Variants in ANKRD44 observed in about 807,000 individuals in gnomAD.
ANKRD44 encodes serine/threonine-protein phosphatase 6 regulatory ankyrin repeat subunit B.
In ANKRD44, 35 loss-of-function variants were observed where a neutral mutation model predicts 116.0. That is an observed-to-expected ratio of 0.30 (90% CI 0.23 to 0.40). ANKRD44 has a LOEUF of 0.40. Among genes scored for constraint, ANKRD44 ranks in the 10% least tolerant of loss-of-function variants. The probability of loss-of-function intolerance (pLI) is 1.00; values close to 1 mark genes in which losing one functional copy is unlikely to be tolerated. For synonymous variants in ANKRD44, 435 were observed against 461.8 expected, an observed-to-expected ratio of 0.94 and a Z score of 0.74; for missense variants, 1,014 against 1,242.6, an observed-to-expected ratio of 0.82 and a Z score of 2.77.
intron 16 of ANKRD44, among the ~76,000 whole-genome samples, chr2:197,052,725 T>C (rs953315423): frequency 1.3e-5 from 2 of 152,210 alleles, no homozygotes; most frequent in Admixed American, 6.5e-5. Flanking sequence ...TAAAACCAGA[T>C]GGCCTCAATT....
intron 16 of ANKRD44, among the ~76,000 whole-genome samples, chr2:197,052,799 C>T (rs79997846): frequency 0.04 from 6,120 of 152,226 alleles, 159 homozygotes; most frequent in Middle Eastern, 0.082. Flanking sequence ...TAAATTGATG[C>T]CTGACTGCCC....
At chr2:197,222,057 G>A (rs1574304360) in intron 1 of ANKRD44, among the ~76,000 whole-genome samples, 2 of 152,320 alleles carry the variant, frequency 1.3e-5, no homozygotes, top group East Asian at 3.9e-4. Context: ...ACTCTCTTCT[G>A]TGATTCTGCT....
chr2:197,183,862 C>T lies in ANKRD44; in HGVS notation c.111+3161G>A, dbSNP rs145814780. On this transcript the variant is annotated intron_variant, in intron 2 of 27. Coordinates refer to ENST00000282272, the MANE Select transcript of ANKRD44 (RefSeq NM_001195144.2). ...TGCTTATCTGTTGCCACACACCCAA[C>T]AGCCCACAAAGGCAAAGCAAATTCC... Among the ~76,000 whole-genome samples the T allele has an allele frequency of 3.4e-4, 52 of 152,314 alleles. 1 individual carries two copies. The highest frequency in any genetic ancestry group is 1.1e-3 in the African/African-American group (47 of 41,574).
chr2:197,081,373 G>C (rs1488735644), intron 15 of ANKRD44, among the ~76,000 whole-genome samples: 1 of 152,214 alleles, frequency 6.6e-6, no homozygotes, highest in Non-Finnish European at 1.5e-5. Flanking sequence ...CAGTTAGAAT[G>C]ATATTTAGGA....
chr2:197,153,915 A>G (rs1559108557), intron 2 of ANKRD44, among the ~76,000 whole-genome samples: 2 of 152,118 alleles, frequency 1.3e-5, no homozygotes, highest in Non-Finnish European at 2.9e-5. Context: ...GTTGTTTTTA[A>G]TTCTTCAAAC....
chr2:197,122,813 A>T, intron 6 of ANKRD44, 21 bp from the exon 7 acceptor site: 1 of 1,611,056 alleles, frequency 6.2e-7, no homozygotes, highest in South Asian at 1.1e-5. Flanking sequence ...AAAGCAGCAG[A>T]AAACATCGTT....
chr2:197,220,432 C>T (rs2081557031), intron 1 of ANKRD44, among the ~76,000 whole-genome samples: 1 of 152,058 alleles, frequency 6.6e-6, no homozygotes, highest in African/African-American at 2.4e-5. Flanking sequence ...CTTTTTTCTC[C>T]ACTTATCAAA....
chr2:197,286,374 T>C (rs955160363), intron 1 of ANKRD44, among the ~76,000 whole-genome samples: 8 of 88,900 alleles, frequency 9.0e-5, no homozygotes, highest in African/African-American at 3.5e-4. Context: ...TTCTACTTTT[T>C]TTTTTCTTTT....
At chr2:196,971,134 C>G (rs1189621018) in intron 21 of ANKRD44, among the ~76,000 whole-genome samples, 2 of 152,162 alleles carry the variant, frequency 1.3e-5, no homozygotes, top group Non-Finnish European at 2.9e-5. Flanking sequence ...ATGTCATGCA[C>G]ATCTTCCCTT....
At chr2:197,005,648 T>C in intron 21 of ANKRD44, 46 bp downstream of exon 21, 2 of 1,583,056 alleles carry the variant, frequency 1.3e-6, no homozygotes, top group Non-Finnish European at 1.7e-6. Context: ...ACAGTGGTCC[T>C]GGGGTAGGAA....
chr2:197,133,093 G>T (rs924661327), intron 4 of ANKRD44, among the ~76,000 whole-genome samples: 3 of 152,210 alleles, frequency 2.0e-5, no homozygotes, highest in African/African-American at 7.2e-5. Context: ...ACCAGGTAGT[G>T]TTGCAGCTTC....
Position 197,078,692 on chromosome 2 carries a change from AAAC to A in ANKRD44, c.1650+8_1650+10del, listed in dbSNP as rs760453925. On this transcript the variant is annotated splice_region_variant and intron_variant, in intron 16 of 27. Coordinates refer to ENST00000282272, the MANE Select transcript of ANKRD44 (RefSeq NM_001195144.2). ...TGTGTGTGTTAGAGAAAACAAAACA[AAAC>A]AACTCACCAATTCCAGACACTGCCT... is the stretch of plus-strand genomic sequence containing the variant. 2 of 1,605,906 alleles carry A rather than the reference AAAC, an allele frequency of 1.2e-6. No homozygotes were observed. The highest frequency in any genetic ancestry group is 1.7e-6 in the Non-Finnish European group (2 of 1,175,684).
chr2:197,078,770 C>A lies in ANKRD44; in HGVS notation c.1583G>T (p.Arg528Leu). ...LLQNDANPSI[R>L]DKEGYNSIHY... ...TATGCTATTGTAACCTTCCTTGTCC[C>A]GGATAGATGGATTTGCATCATTTTG... The change falls in exon 16 of 28, where the codon CGG (arginine) becomes CTG (leucine). Residue 528 changes from arginine (R) to leucine (L), a missense_variant. By Grantham distance (102) the Arg-to-Leu change is moderately radical. Coordinates refer to ENST00000282272, the MANE Select transcript of ANKRD44 (RefSeq NM_001195144.2). 6 of 1,612,840 alleles carry A rather than the reference C, an allele frequency of 3.7e-6. No homozygotes were observed. The highest frequency in any genetic ancestry group is 4.2e-6 in the Non-Finnish European group (5 of 1,179,282).
At chr2:197,032,443 C>A (rs1299109315) in intron 16 of ANKRD44, among the ~76,000 whole-genome samples, 1 of 146,210 alleles carries the variant, frequency 6.8e-6, no homozygotes, top group Non-Finnish European at 1.5e-5. Context: ...GGCTGGAGTG[C>A]AGTGGTGCAA....
At chr2:197,309,188 G>A (rs1450162361) in intron 1 of ANKRD44, among the ~76,000 whole-genome samples, 1 of 152,188 alleles carries the variant, frequency 6.6e-6, no homozygotes, top group African/African-American at 2.4e-5. Flanking sequence ...AAAACTGTAG[G>A]ATTTAAAATA....
chr2:197,150,235 C>G (rs879783017), intron 2 of ANKRD44, among the ~76,000 whole-genome samples: 1 of 152,136 alleles, frequency 6.6e-6, no homozygotes, highest in Non-Finnish European at 1.5e-5. Context: ...GGCTCCCAAC[C>G]TGAAACTTTT....
chr2:197,125,872 C>A lies in ANKRD44; in HGVS notation c.427G>T (p.Ala143Ser). ...CCGTTCAGAGCCGCATGGTGCAAGG[C>A]TGTGCGCCCCCCTCGGTCGGAGACA... is the stretch of plus-strand genomic sequence containing the variant. ...VNVSDRGGRT[A>S]LHHAALNGHV... Residue 143 changes from alanine (A) to serine (S), a missense_variant, in exon 5 of 28, where the codon GCC becomes TCC. Physicochemically the swap from Ala to Ser is moderately conservative, Grantham distance 99 (BLOSUM62 1). Transcript: ENST00000282272. The A allele has an allele frequency of 1.2e-6, 2 of 1,614,180 alleles. No individual in the cohort carries two copies. The highest frequency in any genetic ancestry group is 1.7e-6 in the Non-Finnish European group (2 of 1,180,052).
intron 1 of ANKRD44, among the ~76,000 whole-genome samples, chr2:197,298,385 C>T (rs1009866534): frequency 4.6e-5 from 7 of 152,138 alleles, no homozygotes; most frequent in Non-Finnish European, 1.0e-4. Flanking sequence ...GTTATGGAGC[C>T]ACTTAAACTA....
At chr2:197,118,615 A>AAGAG (rs57255941) in intron 8 of ANKRD44, among the ~76,000 whole-genome samples, 4 of 76,396 alleles carry the variant, frequency 5.2e-5, no homozygotes, top group African/African-American at 1.4e-4. Context: ...GAGAGAAAGA[A>AAGAG]AGAGAGAGAG....
Sources: gnomAD v4.1 joint callset for allele counts (sites outside exome capture counted in the v4.1 genomes callset) on GRCh38, gnomAD v4.1.1 for gene constraint, MANE v1.5 for transcripts, NCBI Gene and HGNC (gene_info 2026-07-23, HGNC 2026-07-21) for gene names.